PRKG2: variants seen among roughly 807,000 people sequenced by gnomAD.
PRKG2 encodes the protein cGMP-dependent protein kinase 2.
Under a neutral mutation model 97.2 loss-of-function variants are expected in PRKG2, and 33 were observed. The observed-to-expected ratio is 0.34, with a 90% CI of 0.26 to 0.45. The LOEUF is 0.45. PRKG2 is among the 20% of genes least tolerant of loss of function. PRKG2 has a pLI of 1.00. For synonymous variants in PRKG2, 330 were observed against 321.8 expected, an observed-to-expected ratio of 1.03 and a Z score of -0.27; for missense variants, 638 against 900.0, an observed-to-expected ratio of 0.71 and a Z score of 3.73.
At chr4:81,112,750 T>C (rs1744110212) in intron 14 of PRKG2, among the ~76,000 whole-genome samples, 1 of 152,208 alleles carries the variant, frequency 6.6e-6, no homozygotes, top group Non-Finnish European at 1.5e-5. Context: ...CAGACCTATT[T>C]AAGACAAGTG....
chr4:81,158,643 A>C (rs1385210209), intron 6 of PRKG2, among the ~76,000 whole-genome samples: 1 of 152,088 alleles, frequency 6.6e-6, no homozygotes, highest in Admixed American at 6.5e-5. Context: ...TCACCAAGTC[A>C]ATCCTGAGCC....
intron 6 of PRKG2, among the ~76,000 whole-genome samples, chr4:81,161,218 T>C (rs1749568728): frequency 1.3e-5 from 2 of 152,208 alleles, no homozygotes; most frequent in Non-Finnish European, 2.9e-5. Context: ...CAATATCTCA[T>C]GGAAGGAAGC....
chr4:81,092,474 A>AAGGAAGGAAGGG, intron 17 of PRKG2, 22 bp from the exon 18 acceptor site: 1 of 782,490 alleles, frequency 1.3e-6, no homozygotes, highest in Non-Finnish European at 2.1e-6. Context: ...GAAAGGAAGG[A>AAGGAAGGAAGGG]AGGAAGGAAG....
At chr4:81,178,700 A>C (rs1343685859) in intron 2 of PRKG2, among the ~76,000 whole-genome samples, 1 of 151,842 alleles carries the variant, frequency 6.6e-6, no homozygotes, top group East Asian at 1.9e-4. Flanking sequence ...AAAGCAAAAC[A>C]AAAAACTAAA....
chr4:81,101,776 G>A (rs1742820147), intron 17 of PRKG2, among the ~76,000 whole-genome samples: 1 of 151,742 alleles, frequency 6.6e-6, no homozygotes, highest in African/African-American at 2.4e-5. Flanking sequence ...TAAAGTGACT[G>A]GTTCTCTAAG....
intron 6 of PRKG2, among the ~76,000 whole-genome samples, chr4:81,163,901 CA>C (rs1749774887): frequency 2.1e-5 from 3 of 145,284 alleles, no homozygotes. Context: ...CACACACACA[CA>C]CCTCTGTGCA....
intron 8 of PRKG2, among the ~76,000 whole-genome samples, chr4:81,151,571 A>G (rs1311099493): frequency 6.6e-6 from 1 of 152,106 alleles, no homozygotes; most frequent in East Asian, 1.9e-4. Flanking sequence ...ATTTAAAAGC[A>G]CACAAAATAT....
At chr4:81,169,063 G>T (rs1482718939) in intron 5 of PRKG2, among the ~76,000 whole-genome samples, 1 of 151,788 alleles carries the variant, frequency 6.6e-6, no homozygotes, top group East Asian at 1.9e-4. Context: ...CACTTACACA[G>T]ACATTTATTT....
intron 14 of PRKG2, among the ~76,000 whole-genome samples, chr4:81,131,896 T>C (rs1560565048): frequency 3.9e-5 from 6 of 152,192 alleles, no homozygotes; most frequent in African/African-American, 1.4e-4. Context: ...TTGTTCTTTT[T>C]CAAAGTGTTT....
intron 2 of PRKG2, among the ~76,000 whole-genome samples, chr4:81,185,351 C>A (rs1366868261): frequency 6.8e-6 from 1 of 147,762 alleles, no homozygotes; most frequent in African/African-American, 2.7e-5. Context: ...GAATTTTCAA[C>A]CCAGACTTTC....
chr4:81,175,983 A>G (rs1482697322), intron 2 of PRKG2: 1 of 152,120 alleles, frequency 6.6e-6, no homozygotes, highest in African/African-American at 2.4e-5. Context: ...CTCTCTCCCA[A>G]TTACTGTTTG....
intron 8 of PRKG2, among the ~76,000 whole-genome samples, chr4:81,150,376 A>G (rs1240680561): frequency 6.6e-6 from 1 of 152,198 alleles, no homozygotes; most frequent in Non-Finnish European, 1.5e-5. Context: ...AAATTCTGAA[A>G]GAACTCCAGG....
At chr4:81,189,758 TAATAAG>T (rs137973717) in intron 2 of PRKG2, among the ~76,000 whole-genome samples, 33,908 of 151,392 alleles carry the variant, frequency 0.22, 7,576 homozygotes, top group African/African-American at 0.57. Context: ...ACTTAAAGTA[TAATAAG>T]AATAATAATA....
intron 2 of PRKG2, among the ~76,000 whole-genome samples, chr4:81,190,231 T>A (rs1417189552): frequency 3.3e-5 from 5 of 152,114 alleles, no homozygotes; most frequent in Non-Finnish European, 5.9e-5. Flanking sequence ...AAAACAGATA[T>A]GTAGACCAAT....
intron 2 of PRKG2, chr4:81,193,303 C>A (rs1752703879): frequency 6.6e-6 from 1 of 152,218 alleles, no homozygotes; most frequent in Non-Finnish European, 1.5e-5. Flanking sequence ...TTGATTCCAA[C>A]TTCTGCCACT....
chr4:81,203,039 T>C (rs1168741318), intron 2 of PRKG2, among the ~76,000 whole-genome samples: 1 of 151,820 alleles, frequency 6.6e-6, no homozygotes, highest in African/African-American at 2.4e-5. Flanking sequence ...CGTGTACATA[T>C]ATAGTAATGT....
intron 14 of PRKG2, among the ~76,000 whole-genome samples, chr4:81,123,687 A>G (rs1560556549): frequency 6.6e-6 from 1 of 152,202 alleles, no homozygotes; most frequent in Non-Finnish European, 1.5e-5. Flanking sequence ...TACAGGCTTG[A>G]GCCATTGCAC....
At chr4:81,146,359 A>G (rs547914006) in intron 9 of PRKG2, among the ~76,000 whole-genome samples, 2 of 152,284 alleles carry the variant, frequency 1.3e-5, no homozygotes, top group African/African-American at 2.4e-5. Flanking sequence ...CTATAGCCTG[A>G]GCAATAACTA....
At chr4:81,165,836 T>C (rs1749934847) in intron 6 of PRKG2, among the ~76,000 whole-genome samples, 1 of 152,132 alleles carries the variant, frequency 6.6e-6, no homozygotes, top group Non-Finnish European at 1.5e-5. Context: ...TTTTTAATGA[T>C]ACTAAATTTT....
Sources: allele counts gnomAD v4.1 joint callset (sites outside exome capture counted in the v4.1 genomes callset), GRCh38; gene constraint gnomAD v4.1.1; transcripts MANE v1.5; gene names NCBI Gene and HGNC (gene_info 2026-07-23, HGNC 2026-07-21).